The following TENM3 variants were observed in gnomAD, a reference collection of about 807,000 sequenced individuals.
TENM3 encodes teneurin-3.
TENM3 carries 63 observed loss-of-function variants against 255.1 expected under a neutral mutation model. The observed-to-expected ratio is 0.25, with a 90% confidence interval of 0.20 to 0.30. The LOEUF is 0.30. TENM3 is among the 10% of genes least tolerant of loss of function. The pLI, the probability that TENM3 is intolerant of heterozygous loss-of-function variation, is 1.00. For synonymous variants in TENM3, 1,306 were observed against 1,322.3 expected, an observed-to-expected ratio of 0.99 and a Z score of 0.27; for missense variants, 2,929 against 3,461.1, an observed-to-expected ratio of 0.85 and a Z score of 3.86.
chr4:181,618,247 A>C, the TENM3 span, among the ~76,000 whole-genome samples: 2 of 152,134 alleles, frequency 1.3e-5, no homozygotes, highest in South Asian at 2.1e-4. Flanking sequence ...GACTTACACC[A>C]GTTTCAGTCC....
chr4:181,875,492 T>C, the TENM3 span, among the ~76,000 whole-genome samples: 3 of 151,892 alleles, frequency 2.0e-5, no homozygotes, highest in African/African-American at 7.3e-5. Context: ...CTGAAATAGG[T>C]TTTAAATGTG....
chr4:182,045,732 G>C, the TENM3 span, among the ~76,000 whole-genome samples: 1 of 152,148 alleles, frequency 6.6e-6, no homozygotes, highest in Non-Finnish European at 1.5e-5. Flanking sequence ...TCTGTGATCA[G>C]ATACAAAGCA....
the TENM3 span, among the ~76,000 whole-genome samples, chr4:181,519,648 T>A: frequency 6.6e-6 from 1 of 152,228 alleles, no homozygotes; most frequent in Non-Finnish European, 1.5e-5. Flanking sequence ...GCTTATAGAT[T>A]GTTGTTACAT....
the TENM3 span, among the ~76,000 whole-genome samples, chr4:181,637,037 CTT>C: frequency 1.3e-5 from 2 of 152,142 alleles, no homozygotes; most frequent in African/African-American, 4.8e-5. Flanking sequence ...TCTAAAAAGG[CTT>C]TCCCGCTAGA....
At chr4:182,288,156 G>A (rs573303706) in intron 1 of TENM3, among the ~76,000 whole-genome samples, 3 of 152,052 alleles carry the variant, frequency 2.0e-5, no homozygotes, top group East Asian at 3.9e-4. Flanking sequence ...GGCTGGTCTC[G>A]AACTCCCGAC....
At chr4:182,226,078 C>G (rs920606076) in intron 1 of TENM3, among the ~76,000 whole-genome samples, 17 of 152,152 alleles carry the variant, frequency 1.1e-4, no homozygotes, top group African/African-American at 3.9e-4. Flanking sequence ...CTTATTCCAT[C>G]CATTTCCTTG....
chr4:182,313,414 A>G (rs1295980719), intron 1 of TENM3, among the ~76,000 whole-genome samples: 1 of 152,120 alleles, frequency 6.6e-6, no homozygotes, highest in East Asian at 1.9e-4. Context: ...TTATACTAAA[A>G]ATAACAACAT....
At chr4:181,632,423 T>C in the TENM3 span, among the ~76,000 whole-genome samples, 1 of 152,200 alleles carries the variant, frequency 6.6e-6, no homozygotes, top group African/African-American at 2.4e-5. Flanking sequence ...TGTGGGCATA[T>C]ATTCCATCAT....
chr4:182,352,408 C>T (rs1237884213), intron 3 of TENM3, among the ~76,000 whole-genome samples: 1 of 152,140 alleles, frequency 6.6e-6, no homozygotes, highest in African/African-American at 2.4e-5. Flanking sequence ...GTGTTTCCCT[C>T]AAAGGCATGT....
At chr4:182,664,148 T>G (rs1255185691) in intron 6 of TENM3, among the ~76,000 whole-genome samples, 1 of 152,208 alleles carries the variant, frequency 6.6e-6, no homozygotes, top group East Asian at 1.9e-4. Flanking sequence ...AAACTGAATG[T>G]TTGTGGCAGC....
chr4:182,495,890 G>A (rs1298876421), intron 3 of TENM3, among the ~76,000 whole-genome samples: 2 of 151,996 alleles, frequency 1.3e-5, no homozygotes, highest in Admixed American at 1.3e-4. Flanking sequence ...TAAACTCAGG[G>A]GTTAGCTGCT....
chr4:181,761,782 TGA>T, the TENM3 span, among the ~76,000 whole-genome samples: 1 of 152,198 alleles, frequency 6.6e-6, no homozygotes, highest in Non-Finnish European at 1.5e-5. Flanking sequence ...TAGGGCAAGA[TGA>T]GAGAGAATCT....
the TENM3 span, among the ~76,000 whole-genome samples, chr4:181,880,372 T>C: frequency 7.2e-5 from 11 of 152,152 alleles, no homozygotes; most frequent in African/African-American, 2.4e-5. Flanking sequence ...CAATAACACA[T>C]GCAAATAATA....
chr4:181,998,130 T>A, the TENM3 span, among the ~76,000 whole-genome samples: 1 of 152,204 alleles, frequency 6.6e-6, no homozygotes. Flanking sequence ...TCTTTTCTCA[T>A]GAACATCTGA....
chr4:182,119,580 T>C, the TENM3 span, among the ~76,000 whole-genome samples: 3 of 152,174 alleles, frequency 2.0e-5, no homozygotes, highest in East Asian at 5.8e-4. Context: ...CCCTGTGACC[T>C]CCCTTCTTTG....
At chr4:182,584,931 C>T (rs996714391) in intron 3 of TENM3, among the ~76,000 whole-genome samples, 3 of 152,070 alleles carry the variant, frequency 2.0e-5, no homozygotes, top group Non-Finnish European at 4.4e-5. Flanking sequence ...CGTGAGCCAC[C>T]GTGCCCAGCT....
chr4:182,768,906 C>T (rs1338389563), intron 22 of TENM3, among the ~76,000 whole-genome samples: 1 of 152,104 alleles, frequency 6.6e-6, no homozygotes, highest in South Asian at 2.1e-4. Context: ...AAGGAATGTG[C>T]TGTGTTATGA....
At chr4:182,647,383 CA>C (rs1337769477) in intron 5 of TENM3, among the ~76,000 whole-genome samples, 1 of 152,166 alleles carries the variant, frequency 6.6e-6, no homozygotes, top group African/African-American at 2.4e-5. Context: ...TCCATTTCTC[CA>C]TCCTCCCAAA....
upstream of TENM3, chr4:182,141,153 C>G (rs1749388001): frequency 6.6e-6 from 1 of 152,272 alleles, no homozygotes; most frequent in South Asian, 2.1e-4. Context: ...CAGCTCGGTC[C>G]CATTATCCCG....
Sources: allele counts gnomAD v4.1 joint callset (sites outside exome capture counted in the v4.1 genomes callset), GRCh38; gene constraint gnomAD v4.1.1; transcripts MANE v1.5; gene names NCBI Gene and HGNC (gene_info 2026-07-23, HGNC 2026-07-21).